TCERG1: variants seen among roughly 807,000 people sequenced by gnomAD.
TCERG1 encodes transcription elongation regulator 1, also known as TATA box binding protein (TBP)-associated factor, RNA polymerase II, S, 150kD.
Under a neutral mutation model 144.7 loss-of-function variants are expected in TCERG1, and 37 were observed. That is an observed-to-expected ratio of 0.26 (90% CI 0.20 to 0.34). The LOEUF (loss-of-function observed/expected upper bound fraction) is 0.34. TCERG1 is among the 10% of genes least tolerant of loss of function. The pLI, the probability that TCERG1 is intolerant of heterozygous loss-of-function variation, is 1.00. For synonymous variants in TCERG1, 492 were observed against 458.2 expected, an observed-to-expected ratio of 1.07 and a Z score of -0.94; for missense variants, 1,027 against 1,380.7, an observed-to-expected ratio of 0.74 and a Z score of 4.06.
chr5:146,505,485 C>A (rs564338778), intron 19 of TCERG1: 10,158 of 39,674 alleles, frequency 0.26, 468 homozygotes, highest in East Asian at 0.5. Context: ...TTGCTTTCTT[C>A]ATTGTTCCTT....
In TCERG1 at chr5:146,459,074, A is replaced by G. The variant is rs1763097286; in HGVS notation, c.629A>G (p.Gln210Arg). ...QAQAQAQAQA[Q>R]AQAQAQAQAQ... Reference sequence around the variant, plus strand: ...CAAGCTCAGGCCCAGGCTCAGGCTCAGGCCCAGGCCCAGGCCCAGGCCCAG... The same window carrying G: ...CAAGCTCAGGCCCAGGCTCAGGCTCGGGCCCAGGCCCAGGCCCAGGCCCAG... The change falls in exon 4 of 23, where the codon CAG (glutamine) becomes CGG (arginine). Residue 210 changes from glutamine to arginine, a missense_variant. By Grantham distance (43) the Gln-to-Arg change is conservative (BLOSUM62 1). Around this residue, in one of 6 missense-constraint regions of TCERG1, gnomAD observed 48 missense variants for 80.9 expected, o/e 0.59. Coordinates refer to ENST00000679501, the MANE Select transcript of TCERG1 (RefSeq NM_001382548.1). 1.4e-6 allele frequency: 2 copies of G among 1,434,056 alleles called. No homozygotes were observed. Among genetic ancestry groups the G allele is most frequent in the South Asian group, 1.1e-5 (1 of 87,534 alleles). 88.8% of individuals were successfully genotyped at this position (1,434,056 alleles called of 1,614,324 possible).
intron 9 of TCERG1, among the ~76,000 whole-genome samples, chr5:146,477,110 A>G (rs1050140683): frequency 4.0e-5 from 6 of 151,872 alleles, no homozygotes; most frequent in Non-Finnish European, 7.4e-5. Flanking sequence ...TGGCGTCTCC[A>G]TTCTGTCTTG....
At chr5:146,454,929 A>G (rs1762697602) in intron 1 of TCERG1, 127 bp from the exon 2 acceptor site, 1 of 1,010,376 alleles carries the variant, frequency 9.9e-7, no homozygotes, top group African/African-American at 1.6e-5. Flanking sequence ...GACGGTTGCA[A>G]AATGATGACT....
chr5:146,454,277 T>C (rs1762626397), intron 1 of TCERG1, among the ~76,000 whole-genome samples: 1 of 152,104 alleles, frequency 6.6e-6, no homozygotes, highest in Non-Finnish European at 1.5e-5. Context: ...CGTTGTTAGA[T>C]TGAGGTTATA....
chr5:146,480,147 T>C (rs1228180918), intron 12 of TCERG1, 53 bp downstream of exon 12: 2 of 1,398,844 alleles, frequency 1.4e-6, no homozygotes. Flanking sequence ...TAAAAGTCGA[T>C]TTGGTAATAA....
chr5:146,509,395 A>G, intron 22 of TCERG1, 150 bp downstream of exon 22: 1 of 493,038 alleles, frequency 2.0e-6, no homozygotes, highest in Non-Finnish European at 3.6e-6. Flanking sequence ...AGTCAAATAC[A>G]GCCCATATCT....
At chr5:146,450,643 A>G (rs1762268563) in intron 1 of TCERG1, among the ~76,000 whole-genome samples, 1 of 152,180 alleles carries the variant, frequency 6.6e-6, no homozygotes, top group Admixed American at 6.5e-5. Context: ...GGTTGTTGTG[A>G]TGAAGCAGTA....
At chr5:146,485,678 A>T (rs1290056401) in intron 15 of TCERG1, among the ~76,000 whole-genome samples, 1 of 152,054 alleles carries the variant, frequency 6.6e-6, no homozygotes, top group Non-Finnish European at 1.5e-5. Context: ...CATGCCATTT[A>T]TTTATTTATT....
intron 1 of TCERG1, among the ~76,000 whole-genome samples, chr5:146,448,244 G>A (rs1287213705): frequency 6.6e-6 from 1 of 152,152 alleles, no homozygotes. Context: ...CTTGAACTCA[G>A]GCAGTCAGGT....
intron 5 of TCERG1, 49 bp from the exon 6 acceptor site, chr5:146,468,292 G>A (rs775343657): frequency 7.8e-6 from 11 of 1,417,330 alleles, no homozygotes; most frequent in Middle Eastern, 1.8e-4. Context: ...AGTGGTAGCC[G>A]ACATACAATG....
At position 146,447,408 on chromosome 5, in the gene TCERG1, G is replaced by A; in HGVS notation, c.59G>A (p.Arg20Lys). The part of the protein sequence containing the change: ...ESERFNPGEL[R>K]MAQQQALRFR... ...GAACGATTCAACCCGGGGGAGCTCA[G>A]GTAAGGAACGCTGCCCTCCTTCACA... is the stretch of plus-strand genomic sequence containing the variant. The change falls in exon 1 of 23, where the codon AGG (arginine) becomes AAG (lysine). Residue 20 changes from arginine to lysine, a missense_variant and splice_region_variant. This residue lies in a region of TCERG1 where 175 missense variants were observed against 197.0 expected (regional missense o/e 0.89). Transcript: ENST00000679501. 6.2e-7 allele frequency: 1 copy of A among 1,611,466 alleles called. No homozygotes were observed. The highest frequency in any genetic ancestry group is 8.5e-7 in the Non-Finnish European group (1 of 1,178,988).
chr5:146,472,953 T>G (rs1056555503), intron 9 of TCERG1, among the ~76,000 whole-genome samples: 1 of 152,130 alleles, frequency 6.6e-6, no homozygotes, highest in South Asian at 2.1e-4. Flanking sequence ...GACCTCGTGA[T>G]CCGCCCACCT....
intron 10 of TCERG1, among the ~76,000 whole-genome samples, 200 bp from the exon 11 acceptor site, chr5:146,479,655 A>C (rs2288813): frequency 0.14 from 21,081 of 152,172 alleles, 2,466 homozygotes; most frequent in East Asian, 0.71. Flanking sequence ...AGGTTTGGGC[A>C]AGAAACATTT....
In TCERG1 at chr5:146,463,741, A is replaced by G. The variant is rs763995374; in HGVS notation, c.1083A>G (p.Val361=). ...PTTAIPAFPP[V]MVPPFRVPLP... Reference sequence around the variant, plus strand: ...CAGCAATACCTGCTTTTCCACCAGTAATGGTACCTCCGTTTCGTGTTCCCC... The same window carrying G: ...CAGCAATACCTGCTTTTCCACCAGTGATGGTACCTCCGTTTCGTGTTCCCC... The change falls in exon 5 of 23, where the codon GTA becomes GTG. Residue 361 remains valine (V), a synonymous_variant. Coordinates refer to ENST00000679501, the MANE Select transcript of TCERG1 (RefSeq NM_001382548.1). 3.1e-6 allele frequency: 5 copies of G among 1,614,074 alleles called. No individual in the cohort carries two copies. Among genetic ancestry groups the G allele is most frequent in the Non-Finnish European group, 4.2e-6 (5 of 1,180,038 alleles).
In TCERG1 at chr5:146,463,605, C is replaced by G; in HGVS notation, c.947C>G (p.Thr316Arg). ...TCTGCTGTTTCAGTTGCCACGCCTACAGTTAGTGTTTCAACTCCTGCTCCT... is the reference window on the plus strand; with the variant it reads ...TCTGCTGTTTCAGTTGCCACGCCTAGAGTTAGTGTTTCAACTCCTGCTCCT... ...PSSAVSVATP[T>R]VSVSTPAPTA... is the part of the protein sequence containing the mutation. Residue 316 changes from threonine to arginine, a missense_variant, in exon 5 of 23, where the codon ACA becomes AGA. Coordinates refer to ENST00000679501, the MANE Select transcript of TCERG1 (RefSeq NM_001382548.1). 1.9e-6 allele frequency: 3 copies of G among 1,614,202 alleles called. No individual in the cohort carries two copies. Among genetic ancestry groups the G allele is most frequent in the Non-Finnish European group, 2.5e-6 (3 of 1,180,030 alleles).
At chr5:146,452,764 G>A (rs1356076625) in intron 1 of TCERG1, among the ~76,000 whole-genome samples, 1 of 152,036 alleles carries the variant, frequency 6.6e-6, no homozygotes, top group African/African-American at 2.4e-5. Context: ...TAATTTTTTT[G>A]TATTTTTAGT....
At chr5:146,508,387 C>T (rs1489440601) in intron 21 of TCERG1, among the ~76,000 whole-genome samples, 1 of 152,198 alleles carries the variant, frequency 6.6e-6, no homozygotes, top group Non-Finnish European at 1.5e-5. Flanking sequence ...GTGTTGTTTA[C>T]TACAGTCCAT....
intron 9 of TCERG1, 32 bp from the exon 10 acceptor site, chr5:146,478,461 A>G (rs375128691): frequency 3.9e-6 from 6 of 1,548,188 alleles, no homozygotes; most frequent in Admixed American, 2.1e-5. Context: ...GTTCTGTAAC[A>G]TAAGAGAATG....
intron 16 of TCERG1, among the ~76,000 whole-genome samples, chr5:146,493,329 T>C (rs1766600508): frequency 6.6e-6 from 1 of 152,064 alleles, no homozygotes; most frequent in African/African-American, 2.4e-5. Context: ...TAAAGTTTTA[T>C]ACATAATGAG....
Sources: gnomAD v4.1 joint callset for allele counts (sites outside exome capture counted in the v4.1 genomes callset) on GRCh38, gnomAD v4.1.1 for gene constraint, gnomAD v4.1.1 regional missense constraint, MANE v1.5 for transcripts, NCBI Gene and HGNC (gene_info 2026-07-23, HGNC 2026-07-21) for gene names.